The following ARHGAP15 variants were observed in gnomAD, a reference collection of about 807,000 sequenced individuals.
ARHGAP15 encodes the protein Rho GTPase activating protein 15, also known as rho GTPase-activating protein 15.
ARHGAP15 carries 51 observed loss-of-function variants against 63.7 expected under a neutral mutation model. The ratio of observed to expected loss-of-function variants is 0.80; its 90% confidence interval spans 0.64 to 1.01. The LOEUF (loss-of-function observed/expected upper bound fraction) is 1.01, where lower values mean the gene tolerates loss of function less well. ARHGAP15 is among the 50% of genes least tolerant of loss of function. The probability of loss-of-function intolerance (pLI) is 0.00; values close to 1 mark genes in which losing one functional copy is unlikely to be tolerated. For synonymous variants in ARHGAP15, 191 were observed against 193.8 expected (o/e 0.99, Z 0.12); for missense variants, 560 against 564.6 (o/e 0.99, Z 0.08).
chr2:143,265,636 GTTA>G (rs543820339), intron 6 of ARHGAP15, among the ~76,000 whole-genome samples: 4 of 152,070 alleles, frequency 2.6e-5, no homozygotes, highest in Non-Finnish European at 2.9e-5. Flanking sequence ...CATAGAAAGT[GTTA>G]TTATTATTTT....
At chr2:143,269,352 T>A (rs775503209) in intron 6 of ARHGAP15, among the ~76,000 whole-genome samples, 1 of 152,122 alleles carries the variant, frequency 6.6e-6, no homozygotes, top group African/African-American at 2.4e-5. Flanking sequence ...AAGAAATGAG[T>A]CTTACGGAAG....
intron 13 of ARHGAP15, among the ~76,000 whole-genome samples, chr2:143,750,578 G>A (rs1686334679): frequency 6.6e-6 from 1 of 152,174 alleles, no homozygotes; most frequent in African/African-American, 2.4e-5. Context: ...TCAGAGAAAT[G>A]GTAGGGCCCA....
intron 10 of ARHGAP15, among the ~76,000 whole-genome samples, chr2:143,544,664 C>T (rs932857190): frequency 2.6e-5 from 4 of 152,148 alleles, no homozygotes; most frequent in African/African-American, 9.7e-5. Flanking sequence ...TCCCCAATGC[C>T]TAGCACACTT....
chr2:143,697,977 G>T (rs1236370943), intron 12 of ARHGAP15, among the ~76,000 whole-genome samples: 1 of 152,244 alleles, frequency 6.6e-6, no homozygotes, highest in South Asian at 2.1e-4. Context: ...TTCATACAGG[G>T]TGCATTAGAC....
intron 8 of ARHGAP15, among the ~76,000 whole-genome samples, chr2:143,473,856 A>G (rs1024894152): frequency 6.6e-6 from 1 of 152,150 alleles, no homozygotes; most frequent in Non-Finnish European, 1.5e-5. Flanking sequence ...TGTAAGAGGT[A>G]CTTAATGTCT....
Position 143,385,728 on chromosome 2 carries a change from C to T in ARHGAP15, c.475-49873C>T, listed in dbSNP as rs538527307. ...GGCTTTGAAGTACCATATTGTTCTC[C>T]GAAACTAAAGCCGTTTGTTTGTATT... On this transcript the variant is annotated intron_variant, in intron 6 of 13. Transcript: ENST00000295095. Among the ~76,000 whole-genome samples the T allele has an allele frequency of 3.3e-5, 5 of 152,140 alleles. No individual in the cohort carries two copies. The East Asian group carries it at 5.8e-4, about 18-fold the overall frequency.
chr2:143,382,497 C>T (rs528734750), intron 6 of ARHGAP15, among the ~76,000 whole-genome samples: 9 of 152,234 alleles, frequency 5.9e-5, no homozygotes, highest in Admixed American at 6.5e-5. Context: ...CCAAATTTCC[C>T]TTTTGGTAAG....
chr2:143,450,981 C>T (rs1034545924), intron 8 of ARHGAP15, among the ~76,000 whole-genome samples: 2 of 151,930 alleles, frequency 1.3e-5, no homozygotes, highest in African/African-American at 4.8e-5. Flanking sequence ...ATTTGCACAT[C>T]ATTTAAAGAG....
intron 12 of ARHGAP15, among the ~76,000 whole-genome samples, chr2:143,678,234 G>C (rs1682923367): frequency 6.6e-6 from 1 of 152,068 alleles, no homozygotes; most frequent in Admixed American, 6.6e-5. Flanking sequence ...GAAAGAAAGA[G>C]AGAAGAACCA....
chr2:143,712,218 C>A (rs180993399), intron 13 of ARHGAP15, among the ~76,000 whole-genome samples: 1 of 152,018 alleles, frequency 6.6e-6, no homozygotes, highest in African/African-American at 2.4e-5. Context: ...CAAGTACATG[C>A]GAGAGGTTAG....
chr2:143,259,015 G>T (rs1433185125), intron 6 of ARHGAP15, among the ~76,000 whole-genome samples: 2 of 142,386 alleles, frequency 1.4e-5, no homozygotes, highest in Non-Finnish European at 3.0e-5. Flanking sequence ...GACCTTGATT[G>T]TGGTCTTTTT....
At chr2:143,707,140 T>G (rs966221399) in intron 13 of ARHGAP15, among the ~76,000 whole-genome samples, 22 of 152,214 alleles carry the variant, frequency 1.4e-4, no homozygotes, top group African/African-American at 5.3e-4. Context: ...AAGAGTCATC[T>G]GACAGCAGAG....
chr2:143,373,444 C>T (rs1441122333), intron 6 of ARHGAP15, among the ~76,000 whole-genome samples: 1 of 151,916 alleles, frequency 6.6e-6, no homozygotes, highest in African/African-American at 2.4e-5. Flanking sequence ...TCCTGGCTAA[C>T]ACGATGAAAC....
At chr2:143,749,321 G>A (rs1049593266) in intron 13 of ARHGAP15, among the ~76,000 whole-genome samples, 9 of 152,120 alleles carry the variant, frequency 5.9e-5, no homozygotes, top group Non-Finnish European at 1.2e-4. Flanking sequence ...CTTCCAATAA[G>A]TATGAAATTG....
chr2:143,647,461 A>C (rs1360973870), intron 12 of ARHGAP15, among the ~76,000 whole-genome samples: 1 of 152,036 alleles, frequency 6.6e-6, no homozygotes, highest in African/African-American at 2.4e-5. Context: ...TTATGGAAAG[A>C]ATACACCAAA....
chr2:143,212,269 G>T (rs973914835), intron 3 of ARHGAP15, among the ~76,000 whole-genome samples: 1 of 152,148 alleles, frequency 6.6e-6, no homozygotes, highest in Non-Finnish European at 1.5e-5. Flanking sequence ...TGATAAACAG[G>T]TGCTATCTGG....
Position 143,401,318 on chromosome 2 carries a change from T to C in ARHGAP15, c.475-34283T>C, listed in dbSNP as rs552199498. Reference sequence around the variant, plus strand: ...TATATTACTTGCAAAACCAATGTTATTGTATTTTGTTAGCTGCACTTCCAA... The same window carrying C: ...TATATTACTTGCAAAACCAATGTTACTGTATTTTGTTAGCTGCACTTCCAA... On this transcript the variant is annotated intron_variant, in intron 6 of 13. Coordinates refer to ENST00000295095, the MANE Select transcript of ARHGAP15 (RefSeq NM_018460.4). Among the ~76,000 whole-genome samples, 4 of 152,070 alleles carry C rather than the reference T, an allele frequency of 2.6e-5. No homozygotes were observed. The East Asian group carries it at 7.7e-4, about 29-fold the overall frequency.
chr2:143,377,681 T>C (rs906902443), intron 6 of ARHGAP15, among the ~76,000 whole-genome samples: 1 of 152,036 alleles, frequency 6.6e-6, no homozygotes, highest in Non-Finnish European at 1.5e-5. Context: ...TAAAAAGGTT[T>C]GAGTTGGAGT....
intron 10 of ARHGAP15, among the ~76,000 whole-genome samples, chr2:143,527,660 G>A (rs1407156485): frequency 2.0e-5 from 3 of 152,008 alleles, no homozygotes; most frequent in Admixed American, 6.6e-5. Context: ...TATCTAGGGT[G>A]TAAGTATATC....
Sources: gnomAD v4.1 joint callset for allele counts (sites outside exome capture counted in the v4.1 genomes callset) on GRCh38, gnomAD v4.1.1 for gene constraint, MANE v1.5 for transcripts, NCBI Gene and HGNC (gene_info 2026-07-23, HGNC 2026-07-21) for gene names.